Variants in PPFIA2 observed in about 807,000 individuals in gnomAD.
PPFIA2 encodes the protein PPFI scaffold protein A2.
A neutral mutation model predicts 175.5 loss-of-function variants in PPFIA2; 46 were observed. That is an observed-to-expected ratio of 0.26 (90% CI 0.21 to 0.34). The LOEUF is 0.34. Among genes scored for constraint, PPFIA2 ranks in the 10% least tolerant of loss-of-function variants. PPFIA2 has a pLI of 1.00. For missense variants in PPFIA2, 1,179 were observed against 1,506.1 expected (o/e 0.78, Z 3.60); for synonymous variants, 568 against 511.4 (o/e 1.11, Z -1.49).
At chr12:81,661,720 C>T (rs1194933103) in intron 4 of PPFIA2, among the ~76,000 whole-genome samples, 4 of 152,290 alleles carry the variant, frequency 2.6e-5, no homozygotes, top group South Asian at 2.1e-4. Flanking sequence ...CTACAGAACT[C>T]TCCACCCCAA....
intron 4 of PPFIA2, among the ~76,000 whole-genome samples, chr12:81,561,330 GA>G (rs1180639766): frequency 1.3e-5 from 2 of 152,080 alleles, no homozygotes; most frequent in African/African-American, 4.8e-5. Context: ...TAATAATTTA[GA>G]AAAACAATTT....
intron 4 of PPFIA2, among the ~76,000 whole-genome samples, chr12:81,555,884 G>A (rs1851765002): frequency 6.6e-6 from 1 of 151,822 alleles, no homozygotes; most frequent in Non-Finnish European, 1.5e-5. Context: ...AAATATAATA[G>A]GCCACTGTCA....
intron 8 of PPFIA2, among the ~76,000 whole-genome samples, chr12:81,389,502 T>A (rs1177207122): frequency 6.6e-5 from 10 of 152,056 alleles, no homozygotes; most frequent in Non-Finnish European, 1.2e-4. Flanking sequence ...GAGGAGATTT[T>A]AAAACTCTCA....
intron 7 of PPFIA2, among the ~76,000 whole-genome samples, chr12:81,418,839 A>T (rs547711746): frequency 6.6e-6 from 1 of 152,018 alleles, no homozygotes; most frequent in South Asian, 2.1e-4. Context: ...AAATGAAATT[A>T]TTTGATAGTG....
At chr12:81,715,530 C>A (rs957992395) in intron 3 of PPFIA2, among the ~76,000 whole-genome samples, 1 of 151,648 alleles carries the variant, frequency 6.6e-6, no homozygotes. Flanking sequence ...TCAAGCTTTA[C>A]GTGCTTTTTC....
chr12:81,266,057 A>G (rs574996439), intron 30 of PPFIA2, among the ~76,000 whole-genome samples: 51 of 152,300 alleles, frequency 3.3e-4, no homozygotes, highest in African/African-American at 1.2e-3. Context: ...AATCCCCACC[A>G]TAAAGGACAG....
intron 4 of PPFIA2, among the ~76,000 whole-genome samples, chr12:81,495,115 AG>A (rs2059894298): frequency 6.6e-6 from 1 of 152,052 alleles, no homozygotes; most frequent in East Asian, 1.9e-4. Flanking sequence ...TTTAAAAAAA[AG>A]AAAAAGTGTC....
chr12:81,589,721 C>T (rs1323958680), intron 4 of PPFIA2, among the ~76,000 whole-genome samples: 1 of 152,066 alleles, frequency 6.6e-6, no homozygotes, highest in African/African-American at 2.4e-5. Context: ...ATATTACTCC[C>T]TCTTTGCGTT....
intron 7 of PPFIA2, among the ~76,000 whole-genome samples, chr12:81,439,253 A>T (rs2144938709): frequency 6.7e-6 from 1 of 149,410 alleles, no homozygotes; most frequent in African/African-American, 2.4e-5. Flanking sequence ...TCTATAGGAG[A>T]CTATAATAAT....
At chr12:81,732,441 T>A (rs2081030502) in intron 3 of PPFIA2, among the ~76,000 whole-genome samples, 1 of 150,354 alleles carries the variant, frequency 6.7e-6, no homozygotes, top group South Asian at 2.1e-4. Flanking sequence ...CCTCTTTATA[T>A]GTTGGACCAG....
At chr12:81,690,804 G>A (rs1441947487) in intron 3 of PPFIA2, among the ~76,000 whole-genome samples, 3 of 152,106 alleles carry the variant, frequency 2.0e-5, no homozygotes, top group African/African-American at 7.2e-5. Flanking sequence ...CTTCAGAGGA[G>A]AATCCATTTC....
chr12:81,649,757 G>T (rs2066727572), intron 4 of PPFIA2, among the ~76,000 whole-genome samples: 1 of 152,090 alleles, frequency 6.6e-6, no homozygotes, highest in African/African-American at 2.4e-5. Flanking sequence ...AACCATAGAA[G>T]AATCTTAAAA....
chr12:81,436,300 A>AGTT (rs2049003323), intron 7 of PPFIA2, among the ~76,000 whole-genome samples: 1 of 96,096 alleles, frequency 1.0e-5, no homozygotes, highest in Non-Finnish European at 2.2e-5. Flanking sequence ...AAAAAAAAAA[A>AGTT]AAAAAAAAAA....
chr12:81,287,327 G>A (rs1399620897), intron 24 of PPFIA2, among the ~76,000 whole-genome samples: 4 of 151,894 alleles, frequency 2.6e-5, no homozygotes, highest in South Asian at 2.1e-4. Context: ...ATAGATACAT[G>A]CATAGTATCT....
chr12:81,706,654 T>G (rs1036336793), intron 3 of PPFIA2, among the ~76,000 whole-genome samples: 1 of 152,062 alleles, frequency 6.6e-6, no homozygotes, highest in Non-Finnish European at 1.5e-5. Flanking sequence ...GGGGGGTGCC[T>G]CCCAGTTAGG....
intron 32 of PPFIA2, 87 bp downstream of exon 32, chr12:81,261,862 C>T (rs1461494811): frequency 1.2e-6 from 1 of 868,846 alleles, no homozygotes; most frequent in Non-Finnish European, 1.7e-6. Flanking sequence ...CTAGGGCATA[C>T]CAAAGAGTAT....
intron 7 of PPFIA2, among the ~76,000 whole-genome samples, chr12:81,432,112 G>GT (rs35873975): frequency 0.7 from 105,970 of 151,652 alleles, 38,687 homozygotes; most frequent in East Asian, 0.96. Flanking sequence ...TAAATAATTA[G>GT]TTTTTTAATC....
chr12:81,282,339 C>A (rs575387617), intron 26 of PPFIA2, among the ~76,000 whole-genome samples: 2 of 152,080 alleles, frequency 1.3e-5, no homozygotes, highest in East Asian at 3.9e-4. Context: ...TTATCAAAAT[C>A]AAAATCAAAT....
chr12:81,259,655 C>T lies in PPFIA2; in HGVS notation c.*39G>A, dbSNP rs1405170326. 1.2e-5 allele frequency: 19 copies of T among 1,534,158 alleles called. No individual in the cohort carries two copies. The highest frequency in any genetic ancestry group is 1.2e-4 in the African/African-American group (9 of 72,916). On this transcript the variant is annotated 3_prime_UTR_variant, in exon 33 of 33. Transcript: ENST00000549396. ...CTTTAGGTAGAGTAGACTGAAAAGA[C>T]GCCATCTAAAATATACAATGGATAG...
Sources: gnomAD v4.1 joint callset for allele counts (sites outside exome capture counted in the v4.1 genomes callset) on GRCh38, gnomAD v4.1.1 for gene constraint, MANE v1.5 for transcripts, NCBI Gene and HGNC (gene_info 2026-07-23, HGNC 2026-07-21) for gene names.